LRMDA: variants seen among roughly 807,000 people sequenced by gnomAD.
The protein encoded by LRMDA is leucine-rich melanocyte differentiation-associated protein.
LRMDA carries 18 observed loss-of-function variants against 29.8 expected under a neutral mutation model. That is an observed-to-expected ratio of 0.60 (90% CI 0.42 to 0.90). The LOEUF is 0.90. Ranked by LOEUF, LRMDA falls within the 40% of genes least tolerant of loss-of-function variation. LRMDA has a pLI of 0.00. For synonymous variants in LRMDA, 125 were observed against 109.4 expected (o/e 1.14, Z -0.89); for missense variants, 273 against 273.9 (o/e 1.00, Z 0.02).
intron 2 of LRMDA, among the ~76,000 whole-genome samples, chr10:75,528,543 A>T (rs1309140508): frequency 6.6e-6 from 1 of 152,194 alleles, no homozygotes; most frequent in African/African-American, 2.4e-5. Flanking sequence ...CATTGACCAG[A>T]CCAAAAGGAG....
chr10:75,854,308 CCT>C (rs1416633672), intron 2 of LRMDA, among the ~76,000 whole-genome samples: 14 of 151,974 alleles, frequency 9.2e-5, no homozygotes, highest in African/African-American at 2.4e-4. Flanking sequence ...GTGATATTCC[CCT>C]GTGTGGTATA....
At chr10:75,444,414 G>A (rs763579817) in intron 2 of LRMDA, among the ~76,000 whole-genome samples, 4 of 152,160 alleles carry the variant, frequency 2.6e-5, no homozygotes, top group Non-Finnish European at 5.9e-5. Context: ...AGGCTCACAC[G>A]TTCCTCTTTT....
At chr10:75,555,003 T>A (rs950009689) in intron 2 of LRMDA, among the ~76,000 whole-genome samples, 1 of 152,168 alleles carries the variant, frequency 6.6e-6, no homozygotes, top group Non-Finnish European at 1.5e-5. Flanking sequence ...TGGGACAGGA[T>A]GATCTACTGG....
chr10:75,925,017 G>A (rs1283444086), intron 2 of LRMDA, among the ~76,000 whole-genome samples: 1 of 152,066 alleles, frequency 6.6e-6, no homozygotes, highest in Non-Finnish European at 1.5e-5. Flanking sequence ...CCGATTTCTG[G>A]CTTTTCAGAT....
intron 2 of LRMDA, among the ~76,000 whole-genome samples, chr10:75,896,139 G>C (rs1376575429): frequency 2.0e-5 from 3 of 152,188 alleles, no homozygotes; most frequent in Non-Finnish European, 4.4e-5. Flanking sequence ...CGTTATTACA[G>C]TCATTCATGG....
chr10:76,365,556 C>A (rs6480807), intron 6 of LRMDA, among the ~76,000 whole-genome samples: 135,841 of 152,238 alleles, frequency 0.89, 61,297 homozygotes, highest in Non-Finnish European at 0.96. Context: ...TCTTTTGAGA[C>A]TTGTCTATTT....
At chr10:76,034,415 A>G (rs555751676) in intron 2 of LRMDA, among the ~76,000 whole-genome samples, 2 of 152,286 alleles carry the variant, frequency 1.3e-5, no homozygotes, top group South Asian at 4.1e-4. Flanking sequence ...CCCCTACTCC[A>G]AAATGTGTCC....
intron 2 of LRMDA, among the ~76,000 whole-genome samples, chr10:75,438,967 A>G (rs1844295279): frequency 6.6e-6 from 1 of 152,124 alleles, no homozygotes; most frequent in South Asian, 2.1e-4. Context: ...TCTTTTTATG[A>G]ATGGGAGCTT....
chr10:75,532,005 T>C (rs1845482533), intron 2 of LRMDA, among the ~76,000 whole-genome samples: 1 of 141,880 alleles, frequency 7.0e-6, no homozygotes, highest in East Asian at 2.1e-4. Context: ...GATTGCACCA[T>C]TGCACTCCAG....
chr10:75,971,825 T>C (rs2132439503), intron 2 of LRMDA, among the ~76,000 whole-genome samples: 2 of 152,286 alleles, frequency 1.3e-5, no homozygotes, highest in Middle Eastern at 6.8e-3. Context: ...AAGTTAGGGT[T>C]CTCAGAAAAC....
chr10:76,072,238 G>A (rs1205199145), intron 5 of LRMDA, among the ~76,000 whole-genome samples: 1 of 152,126 alleles, frequency 6.6e-6, no homozygotes, highest in East Asian at 1.9e-4. Context: ...AGGATAGTTT[G>A]TGTTGAGGGC....
In LRMDA at chr10:75,960,040, C is replaced by T. The variant is rs944684135; in HGVS notation, c.132-75968C>T. On this transcript the variant is annotated intron_variant, in intron 2 of 6. Transcript: ENST00000611255. ...GTCATCTTCTTCCTTCTTTCCTACC[C>T]TCTGCTACTCTGGTTCCTAAATGCC... 5.9e-5 allele frequency among the ~76,000 whole-genome samples: 9 copies of T among 152,332 alleles called. No homozygotes were observed. The South Asian group carries it at 8.3e-4, about 14-fold the overall frequency.
chr10:75,737,959 A>G (rs1842785810), intron 2 of LRMDA, among the ~76,000 whole-genome samples: 1 of 152,210 alleles, frequency 6.6e-6, no homozygotes, highest in African/African-American at 2.4e-5. Flanking sequence ...AGGGTGAGGC[A>G]TGGCTAACTC....
chr10:75,528,982 TAA>T (rs1214544669), intron 2 of LRMDA, among the ~76,000 whole-genome samples: 1 of 151,594 alleles, frequency 6.6e-6, no homozygotes, highest in Non-Finnish European at 1.5e-5. Flanking sequence ...GAAAGCAGAG[TAA>T]GAGAAGGCAA....
intron 6 of LRMDA, among the ~76,000 whole-genome samples, chr10:76,373,445 A>G (rs758680370): frequency 6.6e-6 from 1 of 152,144 alleles, no homozygotes; most frequent in Non-Finnish European, 1.5e-5. Context: ...GATACAACTC[A>G]TTATAATAGG....
chr10:75,486,257 A>G (rs1218825316), intron 2 of LRMDA, among the ~76,000 whole-genome samples: 1 of 152,172 alleles, frequency 6.6e-6, no homozygotes, highest in African/African-American at 2.4e-5. Flanking sequence ...TAGATGGTCA[A>G]GTTTTATAAA....
rs1844024236 is a variant in LRMDA, at chr10:75,814,560, C to T, written c.132-221448C>T. Among the ~76,000 whole-genome samples the T allele has an allele frequency of 2.0e-5, 3 of 151,044 alleles. No individual in the cohort carries two copies. In the South Asian group the frequency reaches 6.3e-4, roughly 32 times the overall value. On this transcript the variant is annotated intron_variant, in intron 2 of 6. Transcript: ENST00000611255. ...ACTCAGCCATTCAGCAACATTTTCC[C>T]TTCCCCAGCCTTGGCCCCGCCACCT...
intron 5 of LRMDA, among the ~76,000 whole-genome samples, chr10:76,231,075 G>A (rs554845546): frequency 1.3e-5 from 2 of 152,120 alleles, no homozygotes; most frequent in East Asian, 1.9e-4. Flanking sequence ...ATATCATGGG[G>A]AGCTGCCTCC....
intron 2 of LRMDA, among the ~76,000 whole-genome samples, chr10:75,829,287 C>A (rs1424335323): frequency 3.9e-5 from 6 of 152,090 alleles, no homozygotes; most frequent in African/African-American, 1.4e-4. Flanking sequence ...CAGGCATCCA[C>A]CCAAGGCCAG....
Sources: gnomAD v4.1 joint callset for allele counts (sites outside exome capture counted in the v4.1 genomes callset) on GRCh38, gnomAD v4.1.1 for gene constraint, MANE v1.5 for transcripts, NCBI Gene and HGNC (gene_info 2026-07-23, HGNC 2026-07-21) for gene names.